Variants in SART1 observed in about 807,000 individuals in gnomAD.
SART1 encodes spliceosome associated factor 1, recruiter of U4/U6.U5 tri-snRNP.
In SART1, 28 loss-of-function variants were observed where a neutral mutation model predicts 105.0. That is an observed-to-expected ratio of 0.27 (90% confidence interval 0.20 to 0.37). SART1 has a LOEUF of 0.37. SART1 is among the 10% of genes least tolerant of loss of function. The pLI, the probability that SART1 is intolerant of heterozygous loss-of-function variation, is 1.00. For synonymous variants in SART1, 472 were observed against 462.9 expected (o/e 1.02, Z -0.25); for missense variants, 894 against 1,106.5 (o/e 0.81, Z 2.72).
intron 12 of SART1, among the ~76,000 whole-genome samples, chr11:65,968,063 C>T (rs1471608423): frequency 2.6e-5 from 4 of 151,134 alleles, no homozygotes. Context: ...GATTCTTATT[C>T]CTCAGCCTCC....
chr11:65,962,109 C>A lies in SART1; in HGVS notation c.313+16C>A. The A allele has an allele frequency of 4.4e-6, 1 of 228,254 alleles. No individual in the cohort carries two copies. The highest frequency in any genetic ancestry group is 7.0e-6 in the Non-Finnish European group (1 of 143,206). The allele number at this position is 228,254 out of a possible 1,614,324, so 14.1% of individuals were successfully genotyped here. A position where few individuals can be genotyped will look rare whatever the true frequency, so the allele number is the denominator to read the frequency against. ...TACGAGGCCGGTGAGGAGGCGGGGC[C>A]TGCGCAGGGGGCGGGTCGGGCGGGG... On this transcript the variant is annotated intron_variant, in intron 1 of 19. Transcript: ENST00000312397.
At position 65,979,146 on chromosome 11, in the gene SART1, G is replaced by A. The variant is rs1855541408; in HGVS notation, c.*116G>A. 2 of 1,370,470 alleles carry A rather than the reference G, an allele frequency of 1.5e-6. No individual in the cohort carries two copies. The highest frequency in any genetic ancestry group is 1.4e-5 in the African/African-American group (1 of 69,720). 84.9% of individuals were successfully genotyped at this position (1,370,470 alleles called of 1,614,324 possible). ...AGGGTTGGATCTTTGGTTGGGTGTGGCACAGAGTCTGGCTCCTGCTAGGTG... is the reference window on the plus strand; with the variant it reads ...AGGGTTGGATCTTTGGTTGGGTGTGACACAGAGTCTGGCTCCTGCTAGGTG... On this transcript the variant is annotated 3_prime_UTR_variant, in exon 20 of 20. Coordinates refer to ENST00000312397, the MANE Select transcript of SART1 (RefSeq NM_005146.5).
At position 65,962,110 on chromosome 11, in the gene SART1, T is replaced by A; in HGVS notation, c.313+17T>A. On this transcript the variant is annotated intron_variant, in intron 1 of 19. Transcript: ENST00000312397. ...ACGAGGCCGGTGAGGAGGCGGGGCC[T>A]GCGCAGGGGGCGGGTCGGGCGGGGG... is the stretch of plus-strand genomic sequence containing the variant. The A allele has an allele frequency of 9.8e-6, 1 of 102,480 alleles. No homozygotes were observed. Among genetic ancestry groups the A allele is most frequent in the Non-Finnish European group, 1.6e-5 (1 of 62,258 alleles). 6.3% of individuals were successfully genotyped at this position (102,480 alleles called of 1,614,324 possible).
chr11:65,969,168 C>T lies in SART1; in HGVS notation c.1572+1347C>T, dbSNP rs1465144835. ...CTTACTGTTGAAGGGCTGGAGAGGA[C>T]GTATTTGAGGTTTAAGGGCATATGG... On this transcript the variant is annotated intron_variant, in intron 12 of 19. Transcript: ENST00000312397. Among the ~76,000 whole-genome samples, 7 of 152,006 alleles carry T rather than the reference C, an allele frequency of 4.6e-5. No individual in the cohort carries two copies. In the South Asian group the frequency reaches 6.2e-4, roughly 14 times the overall value.
chr11:65,964,655 C>T, intron 3 of SART1, 85 bp downstream of exon 3: 12 of 1,373,644 alleles, frequency 8.7e-6, no homozygotes, highest in Non-Finnish European at 1.2e-5. Flanking sequence ...AGGGCAGGTT[C>T]AGCACTGTTT....
Position 65,976,321 on chromosome 11 carries a change from C to A in SART1, c.1573-74C>A. ...CCTGTCTGGCTGCTGCCAGGGAGGA[C>A]CCTTAGGTTCCTGGGTCTCAATGGC... is the stretch of plus-strand genomic sequence containing the variant. On this transcript the variant is annotated intron_variant, in intron 12 of 19. Coordinates refer to ENST00000312397, the MANE Select transcript of SART1 (RefSeq NM_005146.5). The surrounding 1 kb of genome is among the most constrained non-coding windows in gnomAD (Gnocchi z 5.1). The A allele has an allele frequency of 7.0e-7, 1 of 1,430,330 alleles. No individual in the cohort carries two copies. The allele number at this position is 1,430,330 out of a possible 1,614,324, so 88.6% of individuals were successfully genotyped here.
At position 65,978,212 on chromosome 11, in the gene SART1, C is replaced by T; in HGVS notation, c.2172+313C>T. On this transcript the variant is annotated intron_variant, in intron 17 of 19. Transcript: ENST00000312397. This position sits in a 1 kb window ranked among gnomAD's most constrained non-coding sequence, Gnocchi z 6.8. Reference sequence around the variant, plus strand: ...GGCTTTCCTGGCCCGCAGGGCCATTCCAGCGTCCAGGCCCTTCCAGCACTC... The same window carrying T: ...GGCTTTCCTGGCCCGCAGGGCCATTTCAGCGTCCAGGCCCTTCCAGCACTC... 1 of 502,836 alleles carries T rather than the reference C, an allele frequency of 2.0e-6. No homozygotes were observed. Among genetic ancestry groups the T allele is most frequent in the East Asian group, 3.7e-5 (1 of 27,292 alleles). 31.1% of individuals were successfully genotyped at this position (502,836 alleles called of 1,614,324 possible).
intron 12 of SART1, among the ~76,000 whole-genome samples, chr11:65,969,481 G>T (rs1235292759): frequency 2.0e-5 from 3 of 152,126 alleles, no homozygotes; most frequent in Admixed American, 2.0e-4. Context: ...ACAAGGTCTC[G>T]CTCGGTTGCC....
intron 12 of SART1, among the ~76,000 whole-genome samples, chr11:65,974,979 G>A (rs1395187405): frequency 6.6e-6 from 1 of 152,098 alleles, no homozygotes; most frequent in Non-Finnish European, 1.5e-5. Context: ...GGCGGAGCTT[G>A]CAGTGAGCTG....
In SART1 at chr11:65,965,899, G is replaced by C. The variant is rs969339354; in HGVS notation, c.751G>C (p.Ala251Pro). Residue 251 changes from alanine to proline, a missense_variant, in exon 7 of 20, where the codon GCC (alanine) becomes CCC (proline). Physicochemically the swap from Ala to Pro is conservative, Grantham distance 27. Around this residue, in one of 2 missense-constraint regions of SART1, gnomAD observed 712 missense variants for 778.2 expected, o/e 0.91. Transcript: ENST00000312397. ...ATTCTTCCCTTAGGACCTGTACAGT[G>C]CCCGGGACCTGCAGGGCCTCACCGT... ...FGQRRQDLYS[A>P]RDLQGLTVEH... The C allele has an allele frequency of 1.2e-6, 2 of 1,614,116 alleles. No homozygotes were observed. The highest frequency in any genetic ancestry group is 4.5e-5 in the East Asian group (2 of 44,874).
rs1464135096 is a variant in SART1, at chr11:65,979,994, T to C, written c.*964T>C. ...CAGGCGTGGTGGTGAGCGCCTGTAG[T>C]CCCAGCTACTTGGGATGCTGAGGTG... is the stretch of plus-strand genomic sequence containing the variant. On this transcript the variant is annotated 3_prime_UTR_variant, in exon 20 of 20. Coordinates refer to ENST00000312397, the MANE Select transcript of SART1 (RefSeq NM_005146.5). 6.6e-6 allele frequency among the ~76,000 whole-genome samples: 1 copy of C among 152,046 alleles called. No homozygotes were observed. Among genetic ancestry groups the C allele is most frequent in the African/African-American group, 2.4e-5 (1 of 41,408 alleles).
Position 65,978,409 on chromosome 11 carries a change from G to A in SART1, c.2173-191G>A. On this transcript the variant is annotated intron_variant, in intron 17 of 19. Transcript: ENST00000312397. This position sits in a 1 kb window ranked among gnomAD's most constrained non-coding sequence, Gnocchi z 6.8. ...TGGCAGCGCATCCACTAGCCAAGCTGGTCTCCCGGCCTCTGCTGGGGCCCT... is the reference window on the plus strand; with the variant it reads ...TGGCAGCGCATCCACTAGCCAAGCTAGTCTCCCGGCCTCTGCTGGGGCCCT... The A allele has an allele frequency of 1.6e-6, 1 of 606,772 alleles. No individual in the cohort carries two copies. Among genetic ancestry groups the A allele is most frequent in the South Asian group, 1.9e-5 (1 of 51,852 alleles). 37.6% of individuals were successfully genotyped at this position (606,772 alleles called of 1,614,324 possible). A position where few individuals can be genotyped will look rare whatever the true frequency, so the allele number is the denominator to read the frequency against.
At chr11:65,962,120 G>GC (rs1044281754) in intron 1 of SART1, 27 bp downstream of exon 1, 3 of 1,128,060 alleles carry the variant, frequency 2.7e-6, no homozygotes, top group Non-Finnish European at 2.4e-6. Context: ...TGCGCAGGGG[G>GC]CGGGTCGGGC....
chr11:65,966,593 TCTCC>T (rs1224714947), intron 9 of SART1, 37 bp downstream of exon 9: 1 of 1,449,990 alleles, frequency 6.9e-7, no homozygotes, highest in Non-Finnish European at 9.1e-7. Flanking sequence ...GGGTCAAGAT[TCTCC>T]CTCCCTCTGG....
At chr11:65,974,798 G>C (rs531593647) in intron 12 of SART1, among the ~76,000 whole-genome samples, 1 of 152,288 alleles carries the variant, frequency 6.6e-6, no homozygotes, top group South Asian at 2.1e-4. Context: ...CACTTTGGGA[G>C]GCCAAGGCAG....
intron 1 of SART1, among the ~76,000 whole-genome samples, chr11:65,963,202 G>A (rs1184229234): frequency 1.3e-5 from 2 of 152,148 alleles, no homozygotes; most frequent in Admixed American, 6.5e-5. Flanking sequence ...AAAAAAAGGA[G>A]ACAGAGTAAC....
At position 65,967,506 on chromosome 11, in the gene SART1, TGGA is replaced by T. The variant is rs754283294; in HGVS notation, c.1357_1359del (p.Glu453del). On this transcript the variant is annotated inframe_deletion, in exon 11 of 20. Coordinates refer to ENST00000312397, the MANE Select transcript of SART1 (RefSeq NM_005146.5). The stretch of plus-strand genomic sequence containing the variant: ...CGGGGTCGCCGCCGAGTGTCCGAAG[TGGA>T]GGAGGAGAAGGAGCCTGTGCCTCAG... 9 of 1,612,762 alleles carry T rather than the reference TGGA, an allele frequency of 5.6e-6. No individual in the cohort carries two copies. Among genetic ancestry groups the T allele is most frequent in the African/African-American group, 4.0e-5 (3 of 74,840 alleles).
At position 65,961,938 on chromosome 11, in the gene SART1, G is replaced by C; in HGVS notation, c.158G>C (p.Arg53Pro). The C allele has an allele frequency of 6.5e-7, 1 of 1,528,794 alleles. No homozygotes were observed. Among genetic ancestry groups the C allele is most frequent in the Non-Finnish European group, 8.8e-7 (1 of 1,138,154 alleles). The allele number at this position is 1,528,794 out of a possible 1,614,324, so 94.7% of individuals were successfully genotyped here. Residue 53 changes from arginine to proline, a missense_variant, in exon 1 of 20, where the codon CGG becomes CCG. Arg to Pro is a moderately radical substitution (Grantham distance 103). Coordinates refer to ENST00000312397, the MANE Select transcript of SART1 (RefSeq NM_005146.5). The part of the protein sequence containing the change: ...GGSGGSGGER[R>P]KRSRERGGER... ...AGTGGCGGTAGCGGTGGCGAACGACGGAAGCGGAGCCGGGAACGTGGGGGC... is the reference window on the plus strand; with the variant it reads ...AGTGGCGGTAGCGGTGGCGAACGACCGAAGCGGAGCCGGGAACGTGGGGGC...
rs1156861801 is a variant in SART1 at position 65,964,101 on chromosome 11, A to G, written c.341A>G (p.Asp114Gly). 6.2e-7 allele frequency: 1 copy of G among 1,612,936 alleles called. No homozygotes were observed. Among genetic ancestry groups the G allele is most frequent in the Non-Finnish European group, 8.5e-7 (1 of 1,180,012 alleles). Residue 114 changes from aspartate to glycine, a missense_variant, in exon 2 of 20, where the codon GAT (aspartate) becomes GGT (glycine). Asp to Gly is a moderately conservative substitution (Grantham distance 94). Coordinates refer to ENST00000312397, the MANE Select transcript of SART1 (RefSeq NM_005146.5). ...GCCAGCTCCAAAACTAGCTCAGGCG[A>G]TGCCTCCTCACTCAGCATCGAGGAG... ...AAASSKTSSG[D>G]ASSLSIEETN... is the part of the protein sequence containing the mutation.
Sources: allele counts gnomAD v4.1 joint callset (sites outside exome capture counted in the v4.1 genomes callset), GRCh38; gene constraint gnomAD v4.1.1; regional missense constraint gnomAD v4.1.1; non-coding constraint Gnocchi (gnomAD v3.1); transcripts MANE v1.5; gene names NCBI Gene and HGNC (gene_info 2026-07-23, HGNC 2026-07-21).